ADCK1: variants seen among roughly 807,000 people sequenced by gnomAD.
ADCK1 encodes the protein aarF domain-containing protein kinase 1.
Under a neutral mutation model 52.3 loss-of-function variants are expected in ADCK1, and 41 were observed. The ratio of observed to expected loss-of-function variants is 0.78; its 90% CI spans 0.61 to 1.02. ADCK1 has a LOEUF of 1.02. Ranked by LOEUF, ADCK1 falls within the 50% of genes least tolerant of loss-of-function variation. The probability of loss-of-function intolerance (pLI) is 0.00; values close to 1 mark genes in which losing one functional copy is unlikely to be tolerated. For synonymous variants in ADCK1, 250 were observed against 274.6 expected (o/e 0.91, Z 0.89); for missense variants, 658 against 679.5 (o/e 0.97, Z 0.35).
Position 77,921,143 on chromosome 14 carries a change from C to T in ADCK1, c.859-3314C>T, listed in dbSNP as rs189986902. Among the ~76,000 whole-genome samples, 325 of 151,126 alleles carry T rather than the reference C, an allele frequency of 2.2e-3. 3 individuals are homozygous for T. Among genetic ancestry groups the T allele is most frequent in the African/African-American group, 7.0e-3 (287 of 41,242 alleles). ...GAGATCGAGACCATCCTGGCTAACA[C>T]GGTGAAACCCTGTCTCTACTAAAAA... On this transcript the variant is annotated intron_variant, in intron 7 of 10. Coordinates refer to ENST00000238561, the MANE Select transcript of ADCK1 (RefSeq NM_020421.4).
chr14:77,876,238 ACCTGCCTC>A (rs2082896246), intron 4 of ADCK1, among the ~76,000 whole-genome samples: 1 of 152,198 alleles, frequency 6.6e-6, no homozygotes, highest in African/African-American at 2.4e-5. Flanking sequence ...TATAGAAGCC[ACCTGCCTC>A]CCTTGGCTTG....
At chr14:77,872,802 G>A (rs977458967) in intron 4 of ADCK1, among the ~76,000 whole-genome samples, 26 of 151,900 alleles carry the variant, frequency 1.7e-4, no homozygotes, top group African/African-American at 5.8e-4. Context: ...AGCCTCTTGA[G>A]TAGCTGGGAT....
intron 4 of ADCK1, among the ~76,000 whole-genome samples, chr14:77,882,498 C>T (rs1175649092): frequency 1.3e-5 from 2 of 152,222 alleles, no homozygotes; most frequent in Non-Finnish European, 2.9e-5. Context: ...ATCGGCCTGA[C>T]GTGACCGAGT....
intron 4 of ADCK1, among the ~76,000 whole-genome samples, chr14:77,867,227 G>T (rs535260072): frequency 6.6e-6 from 1 of 152,112 alleles, no homozygotes; most frequent in Non-Finnish European, 1.5e-5. Flanking sequence ...TGCTTCTCCT[G>T]GTCCTGAGCA....
At chr14:77,836,301 A>G (rs1319368882) in intron 3 of ADCK1, among the ~76,000 whole-genome samples, 4 of 152,234 alleles carry the variant, frequency 2.6e-5, no homozygotes, top group African/African-American at 9.6e-5. Flanking sequence ...TTGTTTTTAA[A>G]AAGTGATCCA....
At chr14:77,904,447 C>T (rs1368065551) in intron 6 of ADCK1, among the ~76,000 whole-genome samples, 1 of 152,256 alleles carries the variant, frequency 6.6e-6, no homozygotes, top group African/African-American at 2.4e-5. Context: ...TGCATGTCTC[C>T]AGGCCTTCTG....
chr14:77,822,365 C>A, intron 2 of ADCK1, 70 bp from the exon 3 acceptor site: 1 of 1,292,666 alleles, frequency 7.7e-7, no homozygotes, highest in Non-Finnish European at 1.1e-6. Context: ...ACCTGTACTG[C>A]AAGGTTTGGG....
At chr14:77,856,382 T>C (rs757389530) in intron 3 of ADCK1, among the ~76,000 whole-genome samples, 6 of 152,234 alleles carry the variant, frequency 3.9e-5, no homozygotes, top group African/African-American at 1.4e-4. Flanking sequence ...TCTCTTTCCA[T>C]GTCTGCCTGT....
intron 1 of ADCK1, among the ~76,000 whole-genome samples, chr14:77,809,695 A>G (rs2140002036): frequency 6.6e-6 from 1 of 152,084 alleles, no homozygotes; most frequent in East Asian, 1.9e-4. Context: ...GTTTTTCATA[A>G]GCTCTTTGAC....
At position 77,902,211 on chromosome 14, in the gene ADCK1, C is replaced by A. The variant is rs140811472; in HGVS notation, c.741+2953C>A. ...CTTGAGAATCCGCAGGAGGAAGAACCGCAGCTGTGTTGATCAGTGCAGTGT... is the reference window on the plus strand; with the variant it reads ...CTTGAGAATCCGCAGGAGGAAGAACAGCAGCTGTGTTGATCAGTGCAGTGT... On this transcript the variant is annotated intron_variant, in intron 6 of 10. Transcript: ENST00000238561. 1.3e-5 allele frequency among the ~76,000 whole-genome samples: 2 copies of A among 152,308 alleles called. 1 individual carries two copies. Among genetic ancestry groups the A allele is most frequent in the South Asian group, 4.1e-4 (2 of 4,828 alleles).
At chr14:77,814,539 C>T (rs1026556919) in intron 1 of ADCK1, among the ~76,000 whole-genome samples, 5 of 151,292 alleles carry the variant, frequency 3.3e-5, no homozygotes, top group Non-Finnish European at 1.5e-5. Context: ...AGTTGGAGAC[C>T]AGCCTGAGCA....
chr14:77,853,705 T>C (rs1449582227), intron 3 of ADCK1, among the ~76,000 whole-genome samples: 1 of 152,136 alleles, frequency 6.6e-6, no homozygotes. Context: ...ACCCTAAGCT[T>C]TTTGGGTTAT....
At chr14:77,927,793 G>A (rs888544951) in intron 9 of ADCK1, among the ~76,000 whole-genome samples, 3 of 152,224 alleles carry the variant, frequency 2.0e-5, no homozygotes, top group African/African-American at 2.4e-5. Flanking sequence ...GGCCCAGAGC[G>A]TGGTGAGGAG....
chr14:77,927,708 G>T (rs1338655410), intron 9 of ADCK1, among the ~76,000 whole-genome samples: 1 of 152,188 alleles, frequency 6.6e-6, no homozygotes, highest in Non-Finnish European at 1.5e-5. Context: ...GACAAGAAAG[G>T]CACCAGTTCC....
chr14:77,886,597 A>G (rs2083152099), intron 4 of ADCK1, among the ~76,000 whole-genome samples: 1 of 152,144 alleles, frequency 6.6e-6, no homozygotes, highest in Non-Finnish European at 1.5e-5. Context: ...AGGACCAGGC[A>G]AGACCCTGGG....
At chr14:77,832,752 T>C (rs2081883887) in intron 3 of ADCK1, among the ~76,000 whole-genome samples, 1 of 152,216 alleles carries the variant, frequency 6.6e-6, no homozygotes, top group African/African-American at 2.4e-5. Flanking sequence ...CTGAAGCTAT[T>C]GAACAACTGC....
chr14:77,804,728 GT>G (rs2081183187), intron 1 of ADCK1, among the ~76,000 whole-genome samples: 1 of 152,168 alleles, frequency 6.6e-6, no homozygotes, highest in African/African-American at 2.4e-5. Flanking sequence ...ACTGGCTGTA[GT>G]TTGTCCATTC....
intron 6 of ADCK1, among the ~76,000 whole-genome samples, chr14:77,906,439 G>A (rs920478479): frequency 7.9e-5 from 12 of 152,284 alleles, no homozygotes; most frequent in African/African-American, 2.2e-4. Flanking sequence ...TCTCTTGCCC[G>A]CTCCTGGAGA....
At chr14:77,860,136 C>T (rs904422237) in intron 4 of ADCK1, among the ~76,000 whole-genome samples, 14 of 152,162 alleles carry the variant, frequency 9.2e-5, no homozygotes, top group Middle Eastern at 3.2e-3. Context: ...CTCCCTTGAC[C>T]GATCTTATCC....
Sources: gnomAD v4.1 joint callset for allele counts (sites outside exome capture counted in the v4.1 genomes callset) on GRCh38, gnomAD v4.1.1 for gene constraint, MANE v1.5 for transcripts, NCBI Gene and HGNC (gene_info 2026-07-23, HGNC 2026-07-21) for gene names.